The following NYAP2 variants were observed in gnomAD, a reference collection of about 807,000 sequenced individuals.
NYAP2 encodes neuronal tyrosine-phosphorylated phosphoinositide-3-kinase adapter 2.
A neutral mutation model predicts 50.4 loss-of-function variants in NYAP2; 23 were observed. The observed-to-expected ratio is 0.46, with a 90% confidence interval of 0.33 to 0.65. NYAP2 has a LOEUF of 0.65. Among genes scored for constraint, NYAP2 ranks in the 30% least tolerant of loss-of-function variants. The pLI is 0.02. For missense variants in NYAP2, 885 were observed against 861.0 expected (o/e 1.03, Z -0.35); for synonymous variants, 394 against 365.2 (o/e 1.08, Z -0.90).
intron 3 of NYAP2, among the ~76,000 whole-genome samples, chr2:225,497,639 T>A (rs539279739): frequency 6.6e-6 from 1 of 152,338 alleles, no homozygotes; most frequent in South Asian, 2.1e-4. Flanking sequence ...TCCTGAGGGA[T>A]CATGGGGTAA....
chr2:225,606,234 T>C (rs1574705690), intron 5 of NYAP2, among the ~76,000 whole-genome samples: 1 of 152,100 alleles, frequency 6.6e-6, no homozygotes, highest in Non-Finnish European at 1.5e-5. Flanking sequence ...CTGTACAATG[T>C]TGTGGCTGTG....
intron 4 of NYAP2, among the ~76,000 whole-genome samples, chr2:225,572,904 G>T (rs945372500): frequency 6.6e-6 from 1 of 151,978 alleles, no homozygotes; most frequent in East Asian, 1.9e-4. Context: ...CTCTACTCTG[G>T]TTGTTCTTCC....
At chr2:225,572,676 G>A (rs1009510848) in intron 4 of NYAP2, among the ~76,000 whole-genome samples, 19 of 152,152 alleles carry the variant, frequency 1.2e-4, no homozygotes, top group Admixed American at 1.3e-4. Context: ...TAAAACTTTG[G>A]AAATATAAAT....
chr2:225,499,338 G>A (rs1270238770), intron 3 of NYAP2, among the ~76,000 whole-genome samples: 1 of 149,096 alleles, frequency 6.7e-6, no homozygotes, highest in African/African-American at 2.5e-5. Flanking sequence ...TTTTTTTGAC[G>A]GAGTCTTGCT....
At chr2:225,567,798 T>G (rs1691987483) in intron 4 of NYAP2, among the ~76,000 whole-genome samples, 1 of 152,084 alleles carries the variant, frequency 6.6e-6, no homozygotes, top group African/African-American at 2.4e-5. Context: ...GTAGTTTGGT[T>G]TGGCCAGAGT....
intron 3 of NYAP2, among the ~76,000 whole-genome samples, chr2:225,462,513 A>T (rs770617251): frequency 6.6e-6 from 1 of 152,126 alleles, no homozygotes. Context: ...TTCCATCCCA[A>T]TGAATGACTT....
chr2:225,564,872 A>C (rs1367448183), intron 4 of NYAP2, among the ~76,000 whole-genome samples: 1 of 152,070 alleles, frequency 6.6e-6, no homozygotes, highest in Non-Finnish European at 1.5e-5. Context: ...GCTCACTCCT[A>C]TAATCCCAGC....
At chr2:225,631,720 G>C (rs770667033) in intron 6 of NYAP2, among the ~76,000 whole-genome samples, 8 of 152,188 alleles carry the variant, frequency 5.3e-5, no homozygotes, top group Non-Finnish European at 7.3e-5. Flanking sequence ...GAACCTAAAT[G>C]GTGCCAGTTC....
chr2:225,445,903 A>C (rs1490892714), intron 3 of NYAP2, among the ~76,000 whole-genome samples: 1 of 152,154 alleles, frequency 6.6e-6, no homozygotes, highest in African/African-American at 2.4e-5. Flanking sequence ...ATTAGTAATA[A>C]TATTCAACCT....
At chr2:225,446,246 C>CTGTCTCTCTATATA (rs1239402824) in intron 3 of NYAP2, among the ~76,000 whole-genome samples, 2 of 82,282 alleles carry the variant, frequency 2.4e-5, no homozygotes, top group Non-Finnish European at 4.3e-5. Context: ...CTCTCTCTCT[C>CTGTCTCTCTATATA]TATATATATA....
At chr2:225,598,552 T>A (rs1692645383) in intron 5 of NYAP2, among the ~76,000 whole-genome samples, 1 of 152,076 alleles carries the variant, frequency 6.6e-6, no homozygotes, top group African/African-American at 2.4e-5. Context: ...ATGAAAAAAA[T>A]TAAGATTAGC....
intron 3 of NYAP2, among the ~76,000 whole-genome samples, chr2:225,501,837 G>A (rs1173189194): frequency 1.3e-5 from 2 of 152,110 alleles, no homozygotes; most frequent in Non-Finnish European, 2.9e-5. Flanking sequence ...AACAATGCAT[G>A]GTCTGTGCTC....
At chr2:225,618,916 T>C (rs988373209) in intron 5 of NYAP2, among the ~76,000 whole-genome samples, 4 of 152,078 alleles carry the variant, frequency 2.6e-5, no homozygotes, top group Non-Finnish European at 1.5e-5. Context: ...AGCCATGATG[T>C]TGGTTAGGGA....
At chr2:225,401,897 T>G (rs990657667) in intron 2 of NYAP2, among the ~76,000 whole-genome samples, 9 of 152,042 alleles carry the variant, frequency 5.9e-5, no homozygotes, top group Non-Finnish European at 1.0e-4. Context: ...TGATGTAGTT[T>G]TAGTCATTTT....
intron 3 of NYAP2, among the ~76,000 whole-genome samples, chr2:225,494,128 C>G (rs1406847569): frequency 6.6e-6 from 1 of 152,204 alleles, no homozygotes; most frequent in Non-Finnish European, 1.5e-5. Context: ...AAATGTATGA[C>G]AGCATTAAGA....
chr2:225,672,128 G>A, the NYAP2 span, among the ~76,000 whole-genome samples: 14 of 152,034 alleles, frequency 9.2e-5, no homozygotes, highest in Non-Finnish European at 1.9e-4. Context: ...GAGAGTCAAC[G>A]TGTCCTTTGA....
At chr2:225,559,802 T>G (rs1009743735) in intron 4 of NYAP2, among the ~76,000 whole-genome samples, 2 of 152,108 alleles carry the variant, frequency 1.3e-5, no homozygotes, top group African/African-American at 4.8e-5. Context: ...CCATAAAATT[T>G]TAATGCTACA....
At chr2:225,452,206 C>T (rs1346650515) in intron 3 of NYAP2, among the ~76,000 whole-genome samples, 1 of 152,134 alleles carries the variant, frequency 6.6e-6, no homozygotes, top group Non-Finnish European at 1.5e-5. Context: ...TAGACTAAGT[C>T]CTTTAACTTC....
rs76604537 is a variant in NYAP2, at chr2:225,509,530, A to C, written c.222-3841A>C. ...TGGGCTCAAGCAAACCTCCCACCTC[A>C]GTCTCCAGAGTGTCTGGGAAACAGG... is the stretch of plus-strand genomic sequence containing the variant. On this transcript the variant is annotated intron_variant, in intron 3 of 6. Coordinates refer to ENST00000636099, the Ensembl canonical transcript of NYAP2. Among the ~76,000 whole-genome samples the C allele has an allele frequency of 1.2e-4, 18 of 152,274 alleles. No homozygotes were observed. In the East Asian group the frequency reaches 3.5e-3, roughly 29 times the overall value.
Sources: gnomAD v4.1 joint callset for allele counts (sites outside exome capture counted in the v4.1 genomes callset) on GRCh38, gnomAD v4.1.1 for gene constraint, MANE v1.5 for transcripts, NCBI Gene and HGNC (gene_info 2026-07-23, HGNC 2026-07-21) for gene names.